The following PPP1R12A variants were observed in gnomAD, a reference collection of about 807,000 sequenced individuals.
The protein encoded by PPP1R12A is myosin binding subunit.
Under a neutral mutation model 139.6 loss-of-function variants are expected in PPP1R12A, and 19 were observed. The observed-to-expected ratio is 0.14, with a 90% CI of 0.09 to 0.20. The LOEUF (loss-of-function observed/expected upper bound fraction) is 0.20, where lower values mean the gene tolerates loss of function less well. PPP1R12A is among the 10% of genes least tolerant of loss of function. The pLI, the probability that PPP1R12A is intolerant of heterozygous loss-of-function variation, is 1.00. For missense variants in PPP1R12A, 925 were observed against 1,211.5 expected, an observed-to-expected ratio of 0.76 and a Z score of 3.51; for synonymous variants, 427 against 420.6, an observed-to-expected ratio of 1.02 and a Z score of -0.19.
chr12:79,915,758 C>T (rs940488086), intron 1 of PPP1R12A, among the ~76,000 whole-genome samples: 3 of 152,098 alleles, frequency 2.0e-5, no homozygotes, highest in Non-Finnish European at 2.9e-5. Flanking sequence ...AGATTAAGAA[C>T]ACAAGGACCA....
At chr12:79,886,119 T>C (rs1307132528) in intron 1 of PPP1R12A, among the ~76,000 whole-genome samples, 4 of 152,194 alleles carry the variant, frequency 2.6e-5, no homozygotes, top group African/African-American at 9.7e-5. Flanking sequence ...TCAGTATGTT[T>C]AAAGAGGAAC....
intron 1 of PPP1R12A, among the ~76,000 whole-genome samples, chr12:79,910,470 CAAAT>C (rs10583469): frequency 0.93 from 139,210 of 149,038 alleles, 65,304 homozygotes; most frequent in African/African-American, 0.98. Context: ...ACGACTCCGT[CAAAT>C]AAATAAATAA....
In PPP1R12A at chr12:79,821,179, T is replaced by C. The variant is rs1472680561; in HGVS notation, c.868-13A>G. The C allele has an allele frequency of 1.3e-6, 2 of 1,576,848 alleles. No homozygotes were observed. The highest frequency in any genetic ancestry group is 1.7e-6 in the Non-Finnish European group (2 of 1,152,432). On this transcript the variant is annotated splice_polypyrimidine_tract_variant and intron_variant, in intron 6 of 24. Transcript: ENST00000450142. ...TTTCACTATGGAGCTTTGTACAAAG[T>C]TATGCAAAGGAAAATAAGAAAACTA...
At chr12:79,913,658 GGTCT>G (rs1464414015) in intron 1 of PPP1R12A, 6 of 152,106 alleles carry the variant, frequency 3.9e-5, no homozygotes, top group Non-Finnish European at 8.8e-5. Context: ...GGCTGTGCCT[GGTCT>G]TTTTCATCTT....
At chr12:79,870,868 G>T (rs536988777) in intron 2 of PPP1R12A, among the ~76,000 whole-genome samples, 1 of 152,140 alleles carries the variant, frequency 6.6e-6, no homozygotes, top group Non-Finnish European at 1.5e-5. Flanking sequence ...ATGGACAAAT[G>T]ACCAAGACCA....
intron 1 of PPP1R12A, among the ~76,000 whole-genome samples, chr12:79,929,639 C>T (rs559001500): frequency 1.1e-4 from 16 of 152,112 alleles, no homozygotes; most frequent in Admixed American, 7.2e-4. Flanking sequence ...CATGGTGCCA[C>T]GCACCCGTAA....
rs545616995 is a variant in PPP1R12A at position 79,830,081 on chromosome 12, A to G, written c.648-1617T>C. Among the ~76,000 whole-genome samples, 14 of 152,136 alleles carry G rather than the reference A, an allele frequency of 9.2e-5. No individual in the cohort carries two copies. In the South Asian group the frequency reaches 1.7e-3, roughly 18 times the overall value. On this transcript the variant is annotated intron_variant, in intron 4 of 24. Transcript: ENST00000450142. Reference sequence around the variant, plus strand: ...TTATTTCATATATGTTTTAACTTTCATAAGTAATATGTTCACAAAGTTAAA... The same window carrying G: ...TTATTTCATATATGTTTTAACTTTCGTAAGTAATATGTTCACAAAGTTAAA...
At chr12:79,780,096 C>T (rs569898832) in intron 23 of PPP1R12A, 12 of 152,106 alleles carry the variant, frequency 7.9e-5, no homozygotes, top group African/African-American at 2.9e-4. Flanking sequence ...GCCAGCTATT[C>T]TGGAGGCTGA....
rs1239657989 is a variant in PPP1R12A, at chr12:79,797,211, G to C, written c.2276C>G (p.Ser759Cys). 1 of 1,586,082 alleles carries C rather than the reference G, an allele frequency of 6.3e-7. No homozygotes were observed. The highest frequency in any genetic ancestry group is 8.6e-7 in the Non-Finnish European group (1 of 1,166,448). ...TACTGTTACCTCATCATACGTTCTG[G>C]AGTACTTTTGTTTATATTCATCTTC... ...SREDEYKQKY[S>C]RTYDETYQRY... Residue 759 changes from serine (S) to cysteine (C), a missense_variant, in exon 16 of 25, where the codon TCC becomes TGC. Transcript: ENST00000450142.
At chr12:79,863,568 G>GACC (rs1172058620) in intron 2 of PPP1R12A, among the ~76,000 whole-genome samples, 3 of 139,846 alleles carry the variant, frequency 2.1e-5, no homozygotes, top group Non-Finnish European at 1.5e-5. Flanking sequence ...GTATTCAGGA[G>GACC]ACCCATCTCA....
chr12:79,795,641 T>G lies in PPP1R12A; in HGVS notation c.2580A>C (p.Gln860His). 3 of 1,610,482 alleles carry G rather than the reference T, an allele frequency of 1.9e-6. No homozygotes were observed. Among genetic ancestry groups the G allele is most frequent in the Non-Finnish European group, 2.5e-6 (3 of 1,178,904 alleles). Residue 860 changes from glutamine to histidine, a missense_variant, in exon 18 of 25, where the codon CAA becomes CAC. Around this residue, in one of 4 missense-constraint regions of PPP1R12A, gnomAD observed 315 missense variants for 363.4 expected, o/e 0.87. Transcript: ENST00000450142. The part of the protein sequence containing the change: ...RRSTGVSFWT[Q>H]DSDENEQEQQ... ...ATGTATTTTAATAGGTTCTCACATCTTGTGTCCAAAATGAAACTCCTGTAG... is the reference window on the plus strand; with the variant it reads ...ATGTATTTTAATAGGTTCTCACATCGTGTGTCCAAAATGAAACTCCTGTAG...
chr12:79,854,207 C>CTG (rs1177576862), intron 2 of PPP1R12A, among the ~76,000 whole-genome samples: 1 of 151,892 alleles, frequency 6.6e-6, no homozygotes, highest in African/African-American at 2.4e-5. Flanking sequence ...GAGAATGATA[C>CTG]TGTGTGTGTG....
chr12:79,927,014 C>A (rs1298914316), intron 1 of PPP1R12A, among the ~76,000 whole-genome samples: 1 of 134,548 alleles, frequency 7.4e-6, no homozygotes, highest in Non-Finnish European at 1.6e-5. Flanking sequence ...TTGGGCAACA[C>A]GGGGAGACTC....
At chr12:79,799,044 TCTTA>T in intron 14 of PPP1R12A, among the ~76,000 whole-genome samples, 1 of 152,300 alleles carries the variant, frequency 6.6e-6, no homozygotes, top group Non-Finnish European at 1.5e-5. Context: ...AATCTAAGCA[TCTTA>T]CTTAATGACC....
intron 20 of PPP1R12A, chr12:79,789,524 G>T: frequency 2.6e-6 from 1 of 387,130 alleles, no homozygotes; most frequent in Middle Eastern, 3.7e-4. Context: ...TAATGGGTTT[G>T]TCCTAAGCAG....
chr12:79,780,523 GTCT>G (rs1369582891), intron 23 of PPP1R12A: 5 of 151,938 alleles, frequency 3.3e-5, no homozygotes, highest in African/African-American at 2.4e-5. Context: ...ATTTAATATT[GTCT>G]TCTTTTGTTA....
At chr12:79,806,413 C>A in intron 12 of PPP1R12A, 80 bp from the exon 13 acceptor site, 1 of 1,317,986 alleles carries the variant, frequency 7.6e-7, no homozygotes, top group South Asian at 1.7e-5. Context: ...ATATAAATTA[C>A]AAGGCTAGAA....
intron 2 of PPP1R12A, 71 bp downstream of exon 2, chr12:79,872,728 CATTTATCTT>C: frequency 7.0e-7 from 1 of 1,422,268 alleles, no homozygotes; most frequent in Non-Finnish European, 9.6e-7. Context: ...AGAGTTCACT[CATTTATCTT>C]TATCACTTCA....
At chr12:79,891,040 C>T (rs1184125616) in intron 1 of PPP1R12A, among the ~76,000 whole-genome samples, 1 of 149,894 alleles carries the variant, frequency 6.7e-6, no homozygotes, top group African/African-American at 2.5e-5. Context: ...CATGTCATGA[C>T]ATGGAAAGAA....
Sources: allele counts gnomAD v4.1 joint callset (sites outside exome capture counted in the v4.1 genomes callset), GRCh38; gene constraint gnomAD v4.1.1; regional missense constraint gnomAD v4.1.1; transcripts MANE v1.5; gene names NCBI Gene and HGNC (gene_info 2026-07-23, HGNC 2026-07-21).